Variants in SPG11 observed in about 807,000 individuals in gnomAD.
The protein encoded by SPG11 is SPG11 vesicle trafficking associated, spatacsin, also known as spatacsin.
Under a neutral mutation model 274.0 loss-of-function variants are expected in SPG11, and 222 were observed. The observed-to-expected ratio is 0.81, with a 90% CI of 0.73 to 0.91. The LOEUF is 0.91. Ranked by LOEUF, SPG11 falls within the 40% of genes least tolerant of loss-of-function variation. The pLI is 0.00. For missense variants in SPG11, 3,114 were observed against 2,872.7 expected (o/e 1.08, Z -1.92); for synonymous variants, 1,144 against 1,039.7 (o/e 1.10, Z -1.93).
Position 44,622,814 on chromosome 15 carries a change from G to T in SPG11, c.2245-15C>A. Reference sequence around the variant, plus strand: ...ACATCAAACCCCTAAAATAAACATAGAAAACCAAAAAAAGTTACATTTTGT... The same window carrying T: ...ACATCAAACCCCTAAAATAAACATATAAAACCAAAAAAAGTTACATTTTGT... On this transcript the variant is annotated splice_polypyrimidine_tract_variant and intron_variant, in intron 11 of 39. Coordinates refer to ENST00000261866, the MANE Select transcript of SPG11 (RefSeq NM_025137.4). 7 of 1,605,382 alleles carry T rather than the reference G, an allele frequency of 4.4e-6. No homozygotes were observed. Among genetic ancestry groups the T allele is most frequent in the Non-Finnish European group, 5.1e-6 (6 of 1,172,576 alleles).
intron 7 of SPG11, among the ~76,000 whole-genome samples, chr15:44,648,281 C>G (rs1478315483): frequency 1.3e-5 from 2 of 152,038 alleles, no homozygotes; most frequent in African/African-American, 2.4e-5. Context: ...TAGGACACAG[C>G]GGGTGAATCA....
intron 27 of SPG11, chr15:44,590,295 T>G (rs1174616596): frequency 6.6e-6 from 1 of 152,222 alleles, no homozygotes; most frequent in African/African-American, 2.4e-5. Context: ...TTCAACTGAA[T>G]GCTAAAAATA....
At chr15:44,575,175 T>C in intron 30 of SPG11, 134 bp from the exon 31 acceptor site, 2 of 1,096,206 alleles carry the variant, frequency 1.8e-6, no homozygotes, top group Admixed American at 2.2e-5. Flanking sequence ...ATAGGACCAC[T>C]GCTGACAGGG....
chr15:44,584,068 T>C lies in SPG11; in HGVS notation c.5612A>G (p.Asp1871Gly). Residue 1871 changes from aspartate (D) to glycine (G), a missense_variant, in exon 30 of 40, where the codon GAT becomes GGT. Asp to Gly is a moderately conservative substitution (Grantham distance 94). Coordinates refer to ENST00000261866, the MANE Select transcript of SPG11 (RefSeq NM_025137.4). ...PSKETCENRL[D>G]WKEQESLNFL... Reference sequence around the variant, plus strand: ...GTTTAGTGACTCCTGCTCTTTCCAATCCAATCTATTCTCGCATGTCTCTTT... The same window carrying C: ...GTTTAGTGACTCCTGCTCTTTCCAACCCAATCTATTCTCGCATGTCTCTTT... The C allele has an allele frequency of 3.1e-6, 5 of 1,614,220 alleles. No individual in the cohort carries two copies. Among genetic ancestry groups the C allele is most frequent in the Non-Finnish European group, 4.2e-6 (5 of 1,180,040 alleles).
chr15:44,579,430 GAC>G (rs1297625594), intron 30 of SPG11, among the ~76,000 whole-genome samples: 3 of 148,010 alleles, frequency 2.0e-5, no homozygotes, highest in Non-Finnish European at 4.4e-5. Context: ...GGGAGGCTGA[GAC>G]AGGAGAATTG....
At chr15:44,566,906 T>A (rs996554964) in intron 36 of SPG11, among the ~76,000 whole-genome samples, 2 of 151,990 alleles carry the variant, frequency 1.3e-5, no homozygotes, top group African/African-American at 4.8e-5. Context: ...TTGCACCATG[T>A]TGCCCAGGCT....
intron 27 of SPG11, among the ~76,000 whole-genome samples, chr15:44,589,791 C>T (rs996619020): frequency 6.6e-6 from 1 of 152,166 alleles, no homozygotes; most frequent in African/African-American, 2.4e-5. Flanking sequence ...AGATGTTTCA[C>T]TTAGCAGCTT....
intron 34 of SPG11, 102 bp from the exon 35 acceptor site, chr15:44,569,607 G>C: frequency 1.2e-6 from 1 of 837,896 alleles, no homozygotes. Flanking sequence ...CCAAGCTCCA[G>C]GAGGAGAAGG....
chr15:44,605,985 C>A (rs756816034), intron 20 of SPG11, 40 bp downstream of exon 20: 2 of 1,539,538 alleles, frequency 1.3e-6, no homozygotes, highest in East Asian at 2.3e-5. Context: ...GTAGTTAACA[C>A]TGCTAAAACA....
At chr15:44,604,451 T>A (rs1313905153) in intron 20 of SPG11, among the ~76,000 whole-genome samples, 1 of 152,162 alleles carries the variant, frequency 6.6e-6, no homozygotes, top group Non-Finnish European at 1.5e-5. Context: ...GACCATAATT[T>A]TTTAGCACGT....
Position 44,575,861 on chromosome 15 carries a change from G to A in SPG11, c.5867-820C>T, listed in dbSNP as rs146437223. Among the ~76,000 whole-genome samples the A allele has an allele frequency of 2.1e-3, 318 of 152,240 alleles. 1 individual carries two copies. Among genetic ancestry groups the A allele is most frequent in the African/African-American group, 7.3e-3 (302 of 41,544 alleles). ...TGATTTTTTTTAAAACGAAGCTCTTGGACGGGTGCGGTGGCTCACGCCTAT... is the reference window on the plus strand; with the variant it reads ...TGATTTTTTTTAAAACGAAGCTCTTAGACGGGTGCGGTGGCTCACGCCTAT... On this transcript the variant is annotated intron_variant, in intron 30 of 39. Transcript: ENST00000261866.
At position 44,595,295 on chromosome 15, in the gene SPG11, G is replaced by A. The variant is rs758762845; in HGVS notation, c.4599C>T (p.Ser1533=). The change falls in exon 26 of 40, where the codon AGC becomes AGT. Residue 1533 remains serine (S), a synonymous_variant. Coordinates refer to ENST00000261866, the MANE Select transcript of SPG11 (RefSeq NM_025137.4). ...GCTGGAAACCTCTGATGAGAGTTTTGCTCTTTTGTCTTGTTAATAATGTTC... is the reference window on the plus strand; with the variant it reads ...GCTGGAAACCTCTGATGAGAGTTTTACTCTTTTGTCTTGTTAATAATGTTC... ...IWRTLLTRQK[S]KTLIRGFQLF... The A allele has an allele frequency of 7.4e-6, 12 of 1,614,098 alleles. No individual in the cohort carries two copies. Among genetic ancestry groups the A allele is most frequent in the East Asian group, 2.2e-5 (1 of 44,896 alleles).
In SPG11 at chr15:44,572,803, T is replaced by G; in HGVS notation, c.6223A>C (p.Asn2075His). The change falls in exon 33 of 40, where the codon AAC becomes CAC. Residue 2075 changes from asparagine to histidine, a missense_variant. Transcript: ENST00000261866. ...AATGTCTGGCTTTCCTCTGTTGGGT[T>G]GAACATCTGCTTATGTCCTGTACAG... ...SQGTGHKQMFNPTEESQTFLQ... is the reference protein window; with the variant it reads ...SQGTGHKQMFHPTEESQTFLQ... The G allele has an allele frequency of 6.2e-7, 1 of 1,614,002 alleles. No individual in the cohort carries two copies. The highest frequency in any genetic ancestry group is 8.5e-7 in the Non-Finnish European group (1 of 1,179,972).
chr15:44,600,739 G>C (rs1398305916), intron 20 of SPG11, 107 bp from the exon 21 acceptor site: 2 of 1,196,634 alleles, frequency 1.7e-6, no homozygotes, highest in Non-Finnish European at 2.4e-6. Flanking sequence ...TAATTATTTT[G>C]CATCACTACG....
chr15:44,644,233 A>G (rs886957995), intron 7 of SPG11, among the ~76,000 whole-genome samples: 3 of 152,178 alleles, frequency 2.0e-5, no homozygotes, highest in Non-Finnish European at 4.4e-5. Flanking sequence ...TCAAAAAGCG[A>G]ATCCAACAGA....
At position 44,629,277 on chromosome 15, in the gene SPG11, G is replaced by C; in HGVS notation, c.1847C>G (p.Ser616Cys). 1 of 1,614,136 alleles carries C rather than the reference G, an allele frequency of 6.2e-7. No homozygotes were observed. Among genetic ancestry groups the C allele is most frequent in the Non-Finnish European group, 8.5e-7 (1 of 1,179,986 alleles). The part of the protein sequence containing the change: ...FSEQLLNLTL[S>C]FLNNQIKELF... ...CTCCTTTATTTGGTTGTTAAGGAAA[G>C]ACAGTGTAAGATTAAGCAATTGTTC... The change falls in exon 9 of 40, where the codon TCT becomes TGT. Residue 616 changes from serine (S) to cysteine (C), a missense_variant. Ser to Cys is a moderately radical substitution (Grantham distance 112). Coordinates refer to ENST00000261866, the MANE Select transcript of SPG11 (RefSeq NM_025137.4).
chr15:44,566,379 C>A, intron 36 of SPG11, 74 bp from the exon 37 acceptor site: 1 of 1,441,388 alleles, frequency 6.9e-7, no homozygotes, highest in Non-Finnish European at 9.6e-7. Context: ...TCATTGTGAT[C>A]GTGGCTAGAA....
chr15:44,594,449 CAAAA>C (rs1277016599), intron 26 of SPG11, among the ~76,000 whole-genome samples: 1 of 151,474 alleles, frequency 6.6e-6, no homozygotes, highest in Admixed American at 6.6e-5. Flanking sequence ...AAACAAAAAA[CAAAA>C]AACCACCCTG....
At chr15:44,598,922 A>G in intron 21 of SPG11, 86 bp from the exon 22 acceptor site, 1 of 1,308,930 alleles carries the variant, frequency 7.6e-7, no homozygotes, top group South Asian at 1.2e-5. Flanking sequence ...TCAGTGACAG[A>G]GGGAGTGCCA....
Sources: allele counts gnomAD v4.1 joint callset (sites outside exome capture counted in the v4.1 genomes callset), GRCh38; gene constraint gnomAD v4.1.1; transcripts MANE v1.5; gene names NCBI Gene and HGNC (gene_info 2026-07-23, HGNC 2026-07-21).